ZNF577: variants seen among roughly 807,000 people sequenced by gnomAD.
ZNF577 encodes the protein zinc finger protein 577.
In ZNF577, 14 loss-of-function variants were observed where a neutral mutation model predicts 13.9. The observed-to-expected ratio is 1.00, with a 90% confidence interval of 0.66 to 1.57. ZNF577 has a LOEUF of 1.57. Ranked by LOEUF, ZNF577 falls within the 40% of genes most tolerant of loss-of-function variation. The pLI is 0.00. For synonymous variants in ZNF577, 203 were observed against 202.9 expected (o/e 1.00, Z 0.00); for missense variants, 555 against 579.2 (o/e 0.96, Z 0.43).
At chr19:51,812,478 A>C (rs73566116) in intron 9 of ZNF577, among the ~76,000 whole-genome samples, 1 of 152,206 alleles carries the variant, frequency 6.6e-6, no homozygotes, top group Non-Finnish European at 1.5e-5. Context: ...TGCTAATACT[A>C]TTCAATCAAG....
intron 5 of ZNF577, among the ~76,000 whole-genome samples, chr19:51,848,273 GTTC>G (rs2084364050): frequency 6.6e-6 from 1 of 152,122 alleles, no homozygotes; most frequent in African/African-American, 2.4e-5. Context: ...ACGCTGCCTC[GTTC>G]TTCTAAACCA....
At chr19:51,881,316 A>C (rs909275223) in intron 1 of ZNF577, among the ~76,000 whole-genome samples, 1 of 152,188 alleles carries the variant, frequency 6.6e-6, no homozygotes, top group East Asian at 1.9e-4. Flanking sequence ...TCTGTCTCTA[A>C]GAATAAAAAC....
At chr19:51,839,119 C>A (rs1266206459) in intron 9 of ZNF577, among the ~76,000 whole-genome samples, 1 of 152,076 alleles carries the variant, frequency 6.6e-6, no homozygotes, top group Non-Finnish European at 1.5e-5. Flanking sequence ...TCATTTTTTC[C>A]TAACAGTAAA....
rs1483698581 is a variant in ZNF577 at position 51,869,415 on chromosome 19, GAC to G, written c.*3115_*3116del. On this transcript the variant is annotated 3_prime_UTR_variant, in exon 6 of 6. Transcript: ENST00000638348. Reference sequence around the variant, plus strand: ...AGCACCTTTCCTTAAACTTATTTATGACACAGAGTCCTTCGCTCATGTTTCCT... The same window carrying G: ...AGCACCTTTCCTTAAACTTATTTATGACAGAGTCCTTCGCTCATGTTTCCT... Among the ~76,000 whole-genome samples, 2 of 152,080 alleles carry G rather than the reference GAC, an allele frequency of 1.3e-5. No homozygotes were observed. Among genetic ancestry groups the G allele is most frequent in the African/African-American group, 2.4e-5 (1 of 41,392 alleles).
chr19:51,829,414 G>A (rs959474030), intron 9 of ZNF577, among the ~76,000 whole-genome samples: 2 of 151,276 alleles, frequency 1.3e-5, no homozygotes, highest in African/African-American at 2.4e-5. Flanking sequence ...ACCAGGTTCC[G>A]AGGCCTAAGT....
chr19:51,837,310 C>T (rs2122532215), intron 9 of ZNF577, among the ~76,000 whole-genome samples: 1 of 152,238 alleles, frequency 6.6e-6, no homozygotes, highest in African/African-American at 2.4e-5. Context: ...ACAGCTCAGT[C>T]CTGATTGGTT....
At position 51,824,876 on chromosome 19, in the gene ZNF577, C is replaced by G. The variant is rs776984699; in HGVS notation, c.*600-13202G>C. 44 of 1,282,654 alleles carry G rather than the reference C, an allele frequency of 3.4e-5. No homozygotes were observed. Among genetic ancestry groups the G allele is most frequent in the Non-Finnish European group, 3.9e-5 (37 of 936,842 alleles). The allele number at this position is 1,282,654 out of a possible 1,614,324, so 79.5% of individuals were successfully genotyped here. A position where few individuals can be genotyped will look rare whatever the true frequency, so the allele number is the denominator to read the frequency against. On this transcript the variant is annotated intron_variant and NMD_transcript_variant, in intron 9 of 10. Coordinates refer to the ZNF577 transcript ENST00000638827. This position sits in a 1 kb window ranked among gnomAD's most constrained non-coding sequence, Gnocchi z 4.7. ...GTTAAGCGGAAAAAAAAAATTCTGA[C>G]AGTGTTTTTCTTCCTCTTTCATACC...
chr19:51,824,352 C>CTGA lies in ZNF577; in HGVS notation c.*600-12681_*600-12679dup, dbSNP rs2084214933. The CTGA allele has an allele frequency of 6.2e-7, 1 of 1,614,038 alleles. No individual in the cohort carries two copies. The highest frequency in any genetic ancestry group is 8.5e-7 in the Non-Finnish European group (1 of 1,180,024). On this transcript the variant is annotated intron_variant and NMD_transcript_variant, in intron 9 of 10. Coordinates refer to the ZNF577 transcript ENST00000638827. This position sits in a 1 kb window ranked among gnomAD's most constrained non-coding sequence, Gnocchi z 4.7. ...GTTCATTACCATGGCCAAGGTCTTTCTGATCCTCCACTTCATTATTGGCTT... is the reference window on the plus strand; with the variant it reads ...GTTCATTACCATGGCCAAGGTCTTTCTGATGATCCTCCACTTCATTATTGGCTT...
intron 5 of ZNF577, among the ~76,000 whole-genome samples, chr19:51,874,510 A>G (rs895458717): frequency 2.0e-5 from 3 of 152,006 alleles, no homozygotes; most frequent in Non-Finnish European, 4.4e-5. Flanking sequence ...ATGTAAGAGA[A>G]GCTGGTTTAC....
At chr19:51,853,461 TTC>T (rs1464896601) in intron 5 of ZNF577, among the ~76,000 whole-genome samples, 1 of 152,238 alleles carries the variant, frequency 6.6e-6, no homozygotes, top group African/African-American at 2.4e-5. Flanking sequence ...TTAACATTTT[TTC>T]TCTTTCTCTT....
chr19:51,872,729 C>CA lies in ZNF577; in HGVS notation c.1260_1261insT (p.Gly421TrpfsTer10). On this transcript the variant is annotated frameshift_variant, in exon 6 of 6. Coordinates refer to ENST00000638348, the MANE Select transcript of ZNF577 (RefSeq NM_001370449.1). LOFTEE classifies it low-confidence loss of function (END_TRUNC). Reference sequence around the variant, plus strand: ...CTCTTGTTTAACAATGGCGGGGTTCCTGAGGAAGGCATTTCTATAGGTACT... The same window carrying CA: ...CTCTTGTTTAACAATGGCGGGGTTCCATGAGGAAGGCATTTCTATAGGTACT... 2.5e-6 allele frequency: 4 copies of CA among 1,614,194 alleles called. No homozygotes were observed. The South Asian group carries it at 4.4e-5, about 18-fold the overall frequency.
chr19:51,881,236 G>A (rs1051540599), intron 1 of ZNF577, among the ~76,000 whole-genome samples: 2 of 152,172 alleles, frequency 1.3e-5, no homozygotes, highest in African/African-American at 4.8e-5. Context: ...TCCAGCTATT[G>A]TAGAGGCTGA....
chr19:51,852,551 C>T (rs992349977), intron 5 of ZNF577, among the ~76,000 whole-genome samples: 3 of 152,134 alleles, frequency 2.0e-5, no homozygotes, highest in African/African-American at 7.2e-5. Flanking sequence ...GAATACATTC[C>T]CTCACCGAGG....
intron 9 of ZNF577, among the ~76,000 whole-genome samples, chr19:51,834,753 G>A (rs577013969): frequency 6.6e-6 from 1 of 152,148 alleles, no homozygotes; most frequent in African/African-American, 2.4e-5. Context: ...GCAGAATCAC[G>A]GCTCACTGCA....
intron 5 of ZNF577, among the ~76,000 whole-genome samples, chr19:51,876,415 G>A (rs1466867643): frequency 6.6e-6 from 1 of 151,622 alleles, no homozygotes; most frequent in Non-Finnish European, 1.5e-5. Flanking sequence ...CAGGCCCTGA[G>A]AGTGAATTAA....
chr19:51,826,887 A>G lies in ZNF577; in HGVS notation c.*599+13006T>C, dbSNP rs772383221. Among the ~76,000 whole-genome samples the G allele has an allele frequency of 1.4e-4, 21 of 152,184 alleles. 1 individual carries two copies. Among genetic ancestry groups the G allele is most frequent in the Non-Finnish European group, 2.5e-4 (17 of 68,030 alleles). On this transcript the variant is annotated intron_variant and NMD_transcript_variant, in intron 9 of 10. Transcript: ENST00000638827. Reference sequence around the variant, plus strand: ...AGGGGGTCACAGGACCACTTGAGTCATAAGTCATGAGCCCTGGTAAGGTCA... The same window carrying G: ...AGGGGGTCACAGGACCACTTGAGTCGTAAGTCATGAGCCCTGGTAAGGTCA...
At chr19:51,861,649 C>T (rs8108477) in intron 5 of ZNF577, 42,477 of 152,132 alleles carry the variant, frequency 0.28, 8,585 homozygotes, top group African/African-American at 0.56. Flanking sequence ...TTTCTTCCTT[C>T]CTGCTGGGGT....
At chr19:51,808,903 G>C (rs1325761334) in intron 10 of ZNF577, among the ~76,000 whole-genome samples, 1 of 152,192 alleles carries the variant, frequency 6.6e-6, no homozygotes, top group East Asian at 1.9e-4. Flanking sequence ...GTTCTCCTGA[G>C]ATAGGGGCCA....
chr19:51,861,070 A>G (rs2084493073), intron 5 of ZNF577: 1 of 376,360 alleles, frequency 2.7e-6, no homozygotes, highest in Non-Finnish European at 5.0e-6. Flanking sequence ...CTAGTTTTCT[A>G]ATAAACTTTT....
Sources: gnomAD v4.1 joint callset for allele counts (sites outside exome capture counted in the v4.1 genomes callset) on GRCh38, gnomAD v4.1.1 for gene constraint, Gnocchi (gnomAD v3.1) non-coding constraint, MANE v1.5 for transcripts, NCBI Gene and HGNC (gene_info 2026-07-23, HGNC 2026-07-21) for gene names.